MAP7: variants seen among roughly 807,000 people sequenced by gnomAD.
MAP7 encodes the protein microtubule associated protein 7, also known as ensconsin.
MAP7 carries 52 observed loss-of-function variants against 94.8 expected under a neutral mutation model. The observed-to-expected ratio is 0.55, with a 90% CI of 0.44 to 0.69. MAP7 has a LOEUF of 0.69. MAP7 is among the 30% of genes least tolerant of loss of function. The probability of loss-of-function intolerance (pLI) is 0.00; values close to 1 mark genes in which losing one functional copy is unlikely to be tolerated. For synonymous variants in MAP7, 350 were observed against 357.0 expected (o/e 0.98, Z 0.22); for missense variants, 940 against 964.6 (o/e 0.97, Z 0.34).
At chr6:136,380,131 A>T (rs967982848) in intron 6 of MAP7, among the ~76,000 whole-genome samples, 11 of 152,210 alleles carry the variant, frequency 7.2e-5, no homozygotes, top group African/African-American at 2.7e-4. Flanking sequence ...TTAAGCACTT[A>T]AAATTGAGAT....
chr6:136,531,519 T>C (rs1041115552), intron 1 of MAP7, among the ~76,000 whole-genome samples: 1 of 144,420 alleles, frequency 6.9e-6, no homozygotes, highest in African/African-American at 2.9e-5. Flanking sequence ...GCCAAAGGCA[T>C]AATGTTTTCA....
chr6:136,437,649 A>C, intron 1 of MAP7, among the ~76,000 whole-genome samples: 1 of 152,176 alleles, frequency 6.6e-6, no homozygotes, highest in East Asian at 1.9e-4. Flanking sequence ...CAGTCATTTC[A>C]TAGGAGCCTA....
chr6:136,443,716 C>T (rs1281243699), intron 1 of MAP7, among the ~76,000 whole-genome samples: 4 of 152,090 alleles, frequency 2.6e-5, no homozygotes, highest in Non-Finnish European at 4.4e-5. Context: ...TCCCAAAGTG[C>T]TGAGATTACA....
At chr6:136,453,216 G>A (rs1482306505) in intron 1 of MAP7, among the ~76,000 whole-genome samples, 1 of 152,130 alleles carries the variant, frequency 6.6e-6, no homozygotes, top group African/African-American at 2.4e-5. Flanking sequence ...ACAAGCCACT[G>A]GAAATGAATG....
intron 1 of MAP7, among the ~76,000 whole-genome samples, chr6:136,488,210 A>G (rs1815375931): frequency 6.6e-6 from 1 of 152,152 alleles, no homozygotes; most frequent in African/African-American, 2.4e-5. Flanking sequence ...TTCACTTTTT[A>G]AAGTTTTATG....
chr6:136,538,325 T>C (rs903515834), intron 1 of MAP7, among the ~76,000 whole-genome samples: 1 of 152,172 alleles, frequency 6.6e-6, no homozygotes, highest in African/African-American at 2.4e-5. Flanking sequence ...CTCATGAACA[T>C]CTCGTGGAAG....
At chr6:136,434,302 G>A (rs1459818479) in intron 1 of MAP7, among the ~76,000 whole-genome samples, 16 of 132,258 alleles carry the variant, frequency 1.2e-4, no homozygotes, top group Admixed American at 8.1e-4. Context: ...GCAAGACTCC[G>A]TCTCAAAAAA....
chr6:136,418,230 T>G (rs921536241), intron 2 of MAP7, among the ~76,000 whole-genome samples: 2 of 152,192 alleles, frequency 1.3e-5, no homozygotes, highest in Non-Finnish European at 2.9e-5. Flanking sequence ...TTTGTTTGTT[T>G]TTTGAGACAG....
chr6:136,456,767 G>GGAGGAGGAGGAGGAC (rs1179338276), intron 1 of MAP7, among the ~76,000 whole-genome samples: 15 of 60,594 alleles, frequency 2.5e-4, no homozygotes, highest in African/African-American at 1.1e-3. Flanking sequence ...AGGAGGAGGA[G>GGAGGAGGAGGAGGAC]GAAGAAGAAG....
At chr6:136,395,408 A>ATTTTTTTTTTTTTTTTTTTTTTTTTTT in intron 3 of MAP7, among the ~76,000 whole-genome samples, 1 of 87,700 alleles carries the variant, frequency 1.1e-5, no homozygotes, top group Non-Finnish European at 2.3e-5. Context: ...TTTAATTTGG[A>ATTTTTTTTTTTTTTTTTTTTTTTTTTT]TTTTTTTTTT....
chr6:136,494,917 T>C (rs1285163002), intron 1 of MAP7, among the ~76,000 whole-genome samples: 1 of 152,132 alleles, frequency 6.6e-6, no homozygotes, highest in Non-Finnish European at 1.5e-5. Context: ...AGATGAAAGG[T>C]TATCTCCTGT....
intron 1 of MAP7, among the ~76,000 whole-genome samples, chr6:136,508,959 A>C (rs1822422500): frequency 1.3e-5 from 2 of 152,234 alleles, no homozygotes; most frequent in Admixed American, 1.3e-4. Context: ...CCTGAATTAA[A>C]GCTCTGCTTT....
At chr6:136,467,434 C>T (rs1807497007) in intron 1 of MAP7, among the ~76,000 whole-genome samples, 1 of 152,132 alleles carries the variant, frequency 6.6e-6, no homozygotes, top group Admixed American at 6.5e-5. Flanking sequence ...CATTTAGGTG[C>T]CCTGTTCAGA....
chr6:136,454,496 C>T (rs1802223738), intron 1 of MAP7, among the ~76,000 whole-genome samples: 2 of 151,930 alleles, frequency 1.3e-5, no homozygotes, highest in African/African-American at 4.8e-5. Flanking sequence ...ATGGGTCTTA[C>T]TATGTTACCC....
chr6:136,477,663 A>C (rs975475794), intron 1 of MAP7, among the ~76,000 whole-genome samples: 2 of 152,220 alleles, frequency 1.3e-5, no homozygotes, highest in Non-Finnish European at 2.9e-5. Context: ...CAGAAATATA[A>C]AGCAAATGTT....
intron 1 of MAP7, among the ~76,000 whole-genome samples, chr6:136,483,235 G>A (rs1405650321): frequency 6.6e-6 from 1 of 151,972 alleles, no homozygotes; most frequent in Non-Finnish European, 1.5e-5. Flanking sequence ...AACATGGATG[G>A]AGATGGAGGC....
intron 2 of MAP7, among the ~76,000 whole-genome samples, chr6:136,415,407 C>G (rs1030060120): frequency 6.6e-6 from 1 of 152,204 alleles, no homozygotes; most frequent in African/African-American, 2.4e-5. Flanking sequence ...TGTGCCATGT[C>G]TAGCTTACTT....
intron 1 of MAP7, among the ~76,000 whole-genome samples, chr6:136,547,883 T>A (rs1829851633): frequency 6.6e-6 from 1 of 152,142 alleles, no homozygotes; most frequent in African/African-American, 2.4e-5. Context: ...ATTTTTATAA[T>A]AACCTGATAT....
At chr6:136,454,540 CT>C (rs1802246174) in intron 1 of MAP7, among the ~76,000 whole-genome samples, 1 of 151,954 alleles carries the variant, frequency 6.6e-6, no homozygotes, top group African/African-American at 2.4e-5. Context: ...TCAAGCGACC[CT>C]CACGCCTTAG....
Sources: allele counts gnomAD v4.1 joint callset (sites outside exome capture counted in the v4.1 genomes callset), GRCh38; gene constraint gnomAD v4.1.1; transcripts MANE v1.5; gene names NCBI Gene and HGNC (gene_info 2026-07-23, HGNC 2026-07-21).